Variants in EFTUD2 observed in about 807,000 individuals in gnomAD.
The protein encoded by EFTUD2 is 116 kDa U5 small nuclear ribonucleoprotein component.
In EFTUD2, 9 loss-of-function variants were observed where a neutral mutation model predicts 114.3. That is an observed-to-expected ratio of 0.08 (90% CI 0.05 to 0.14). The LOEUF (loss-of-function observed/expected upper bound fraction) is 0.14, where lower values mean the gene tolerates loss of function less well. Ranked by LOEUF, EFTUD2 falls within the 10% of genes least tolerant of loss-of-function variation. The pLI is 1.00. For missense variants in EFTUD2, 765 were observed against 1,241.2 expected (o/e 0.62, Z 5.76); for synonymous variants, 449 against 462.3 (o/e 0.97, Z 0.37).
chr17:44,865,038 G>C lies in EFTUD2; in HGVS notation c.1177C>G (p.Pro393Ala). The change falls in exon 14 of 28, where the codon CCA (proline) becomes GCA (alanine). Residue 393 changes from proline to alanine, a missense_variant. By Grantham distance (27) the Pro-to-Ala change is conservative. Around this residue, in one of 6 missense-constraint regions of EFTUD2, gnomAD observed 251 missense variants for 357.7 expected, o/e 0.70. Transcript: ENST00000426333. ...ATGCCAAGCTCGTCTAGGGTCCGTGGGAGGCTGGTGTCCACGTCACCTACA... is the reference window on the plus strand; with the variant it reads ...ATGCCAAGCTCGTCTAGGGTCCGTGCGAGGCTGGTGTCCACGTCACCTACA... ...QVVGDVDTSL[P>A]RTLDELGIHL... The C allele has an allele frequency of 2.5e-6, 4 of 1,614,188 alleles. No individual in the cohort carries two copies. Among genetic ancestry groups the C allele is most frequent in the Non-Finnish European group, 2.5e-6 (3 of 1,180,046 alleles).
At chr17:44,874,986 A>G (rs2050920040) in intron 10 of EFTUD2, among the ~76,000 whole-genome samples, 1 of 152,202 alleles carries the variant, frequency 6.6e-6, no homozygotes, top group Non-Finnish European at 1.5e-5. Context: ...TTAGGCAAAT[A>G]TTATTCCTTT....
At chr17:44,879,711 G>T in intron 8 of EFTUD2, 73 bp from the exon 9 acceptor site, 1 of 1,482,068 alleles carries the variant, frequency 6.7e-7, no homozygotes, top group South Asian at 1.2e-5. Context: ...GGTGAACTGA[G>T]GGGGCACTTC....
chr17:44,893,132 T>TG (rs1467964179), intron 2 of EFTUD2, among the ~76,000 whole-genome samples: 2 of 151,922 alleles, frequency 1.3e-5, no homozygotes, highest in African/African-American at 2.4e-5. Context: ...TTTTTTTTTT[T>TG]TTTGTTTGAG....
intron 8 of EFTUD2, among the ~76,000 whole-genome samples, chr17:44,880,169 T>A (rs1448289178): frequency 6.6e-6 from 1 of 152,104 alleles, no homozygotes; most frequent in East Asian, 1.9e-4. Context: ...TCAGCCAAGG[T>A]GCGCTGCTCC....
At chr17:44,864,789 A>G in intron 14 of EFTUD2, 141 bp downstream of exon 14, 2 of 1,275,528 alleles carry the variant, frequency 1.6e-6, no homozygotes, top group Non-Finnish European at 2.2e-6. Context: ...GAAAAACACC[A>G]GTGTTCTGCA....
At chr17:44,883,023 AAGG>A (rs2051100640) in intron 6 of EFTUD2, 67 bp downstream of exon 6, 3 of 1,478,716 alleles carry the variant, frequency 2.0e-6, no homozygotes, top group Non-Finnish European at 2.8e-6. Context: ...AGGGTGAAGG[AAGG>A]AGGAGAGAGA....
rs779874484 is a variant in EFTUD2 at position 44,879,671 on chromosome 17, G to A, written c.620-33C>T. On this transcript the variant is annotated intron_variant, in intron 8 of 27. Coordinates refer to ENST00000426333, the MANE Select transcript of EFTUD2 (RefSeq NM_004247.4). ...GCAAATACTAAGTAAGTCATCACTT[G>A]GTGCAGGATAAAGCACAATTAACTG... 5 of 1,601,116 alleles carry A rather than the reference G, an allele frequency of 3.1e-6. No individual in the cohort carries two copies. The East Asian group carries it at 6.7e-5, about 21-fold the overall frequency.
intron 2 of EFTUD2, among the ~76,000 whole-genome samples, chr17:44,892,631 CTTTTTTTTTTTTTTT>C: frequency 9.9e-6 from 1 of 101,400 alleles, no homozygotes; most frequent in East Asian, 3.2e-4. Flanking sequence ...ACTGTAAAAC[CTTTTTTTTTTTTTTT>C]TTTTTTTTTG....
chr17:44,864,651 A>G (rs1008183425), intron 14 of EFTUD2, among the ~76,000 whole-genome samples: 2 of 152,070 alleles, frequency 1.3e-5, no homozygotes, highest in Admixed American at 6.6e-5. Context: ...CCCCTGGAAA[A>G]TATACCAGAA....
rs149807932 is a variant in EFTUD2 at position 44,876,050 on chromosome 17, C to T, written c.753G>A (p.Leu251=). The change falls in exon 10 of 28, where the codon CTG becomes CTA. Residue 251 remains leucine (L), a synonymous_variant. Transcript: ENST00000426333. ...TCTTGTTGATGCACACAGTGACTGC[C>T]AGCCTCTCCTGCACCGCATGCTTGA... ...RLIKHAVQER[L]AVTVCINKID... The T allele has an allele frequency of 1.9e-6, 3 of 1,613,904 alleles. No individual in the cohort carries two copies. In the African/African-American group the frequency reaches 4.0e-5, roughly 22 times the overall value.
At position 44,851,344 on chromosome 17, in the gene EFTUD2, C is replaced by T; in HGVS notation, c.2849G>A (p.Ser950Asn). ...CAACATAGGATCATCGAAGAATTTG[C>T]TGATGCTCACATCTTCACTGAGGCC... The part of the protein sequence containing the change: ...RKGLSEDVSI[S>N]KFFDDPMLLE... Residue 950 changes from serine to asparagine, a missense_variant, in exon 28 of 28, where the codon AGC (serine) becomes AAC (asparagine). Physicochemically the swap from Ser to Asn is conservative, Grantham distance 46. Around this residue, in one of 6 missense-constraint regions of EFTUD2, gnomAD observed 166 missense variants for 401.5 expected, o/e 0.41. Coordinates refer to ENST00000426333, the MANE Select transcript of EFTUD2 (RefSeq NM_004247.4). 1 of 1,613,992 alleles carries T rather than the reference C, an allele frequency of 6.2e-7. No individual in the cohort carries two copies. Among genetic ancestry groups the T allele is most frequent in the Non-Finnish European group, 8.5e-7 (1 of 1,180,006 alleles).
In EFTUD2 at chr17:44,864,847, T is replaced by A; in HGVS notation, c.1285+83A>T. ...AAGATCCTCAGATTTCTGACCTCCA[T>A]CGCTGGGTGAGAAAAAATTGCTGTG... On this transcript the variant is annotated intron_variant, in intron 14 of 27. Coordinates refer to ENST00000426333, the MANE Select transcript of EFTUD2 (RefSeq NM_004247.4). 1.9e-6 allele frequency: 3 copies of A among 1,557,214 alleles called. No individual in the cohort carries two copies. In the South Asian group the frequency reaches 3.6e-5, roughly 19 times the overall value.
intron 1 of EFTUD2, among the ~76,000 whole-genome samples, chr17:44,897,747 T>C (rs1428987272): frequency 6.6e-6 from 1 of 152,156 alleles, no homozygotes; most frequent in African/African-American, 2.4e-5. Context: ...GTATTTTTAG[T>C]AGAGACGGGG....
chr17:44,857,243 T>C (rs1240025608), intron 19 of EFTUD2, 86 bp from the exon 20 acceptor site: 1 of 1,130,036 alleles, frequency 8.8e-7, no homozygotes, highest in African/African-American at 1.5e-5. Flanking sequence ...AGAAGCTCCC[T>C]TGACACTACC....
chr17:44,868,174 A>C (rs2165896), intron 12 of EFTUD2, 113 bp downstream of exon 12: 1 of 288,530 alleles, frequency 3.5e-6, no homozygotes, highest in African/African-American at 2.9e-5. Flanking sequence ...AGTTTACATT[A>C]AAAAAAAAAA....
chr17:44,860,347 T>C (rs776678020), intron 17 of EFTUD2, 85 bp downstream of exon 17: 2 of 966,242 alleles, frequency 2.1e-6, no homozygotes, highest in Non-Finnish European at 3.3e-6. Flanking sequence ...TGGCAATGAC[T>C]GTGGATTAGT....
intron 2 of EFTUD2, among the ~76,000 whole-genome samples, chr17:44,889,153 C>T (rs561695324): frequency 6.6e-6 from 1 of 152,226 alleles, no homozygotes; most frequent in Non-Finnish European, 1.5e-5. Context: ...GAATGATCGG[C>T]TGGGACAGAC....
At chr17:44,892,631 CTTTTT>C (rs967860195) in intron 2 of EFTUD2, among the ~76,000 whole-genome samples, 4 of 101,376 alleles carry the variant, frequency 3.9e-5, no homozygotes, top group Non-Finnish European at 7.4e-5. Context: ...ACTGTAAAAC[CTTTTT>C]TTTTTTTTTT....
At chr17:44,855,974 AAAAC>A (rs1255050196) in intron 20 of EFTUD2, among the ~76,000 whole-genome samples, 2 of 151,062 alleles carry the variant, frequency 1.3e-5, no homozygotes, top group Non-Finnish European at 3.0e-5. Context: ...AAAAAAAAGA[AAAAC>A]AAACCCAGGT....
Sources: gnomAD v4.1 joint callset for allele counts (sites outside exome capture counted in the v4.1 genomes callset) on GRCh38, gnomAD v4.1.1 for gene constraint, gnomAD v4.1.1 regional missense constraint, MANE v1.5 for transcripts, NCBI Gene and HGNC (gene_info 2026-07-23, HGNC 2026-07-21) for gene names.